HS3ST5: variants seen among roughly 807,000 people sequenced by gnomAD.
HS3ST5 encodes heparan sulfate glucosamine 3-O-sulfotransferase 5.
HS3ST5 carries 10 observed loss-of-function variants against 25.4 expected under a neutral mutation model. The ratio of observed to expected loss-of-function variants is 0.39; its 90% CI spans 0.24 to 0.67. The LOEUF (loss-of-function observed/expected upper bound fraction) is 0.67. Among genes scored for constraint, HS3ST5 ranks in the 30% least tolerant of loss-of-function variants. The pLI is 0.44. For missense variants in HS3ST5, 324 were observed against 420.7 expected (o/e 0.77, Z 2.01); for synonymous variants, 170 against 162.4 (o/e 1.05, Z -0.36).
At position 114,342,470 on chromosome 6, in the gene HS3ST5, G is replaced by A. The variant is rs529004752; in HGVS notation, c.-614C>T. 1,996 of 181,730 alleles carry A rather than the reference G, an allele frequency of 0.011. 27 individuals are homozygous for A. The highest frequency in any genetic ancestry group is 0.017 in the Non-Finnish European group (1,569 of 90,992). 11.3% of individuals were successfully genotyped at this position (181,730 alleles called of 1,614,324 possible). A position where few individuals can be genotyped will look rare whatever the true frequency, so the allele number is the denominator to read the frequency against. ...GGCGAGGTCTGAGGCGGGGAGCCGGGCGGGGGGGCAGGCGGGCGAGAAGTA... is the reference window on the plus strand; with the variant it reads ...GGCGAGGTCTGAGGCGGGGAGCCGGACGGGGGGGCAGGCGGGCGAGAAGTA... On this transcript the variant is annotated 5_prime_UTR_variant, in exon 1 of 5. Coordinates refer to ENST00000312719, the MANE Select transcript of HS3ST5 (RefSeq NM_153612.4).
intron 3 of HS3ST5, among the ~76,000 whole-genome samples, chr6:114,121,436 A>AT (rs1285217368): frequency 6.6e-6 from 1 of 152,168 alleles, no homozygotes; most frequent in Admixed American, 6.5e-5. Context: ...TCTTTTACAT[A>AT]TTTTTTGCAT....
At chr6:114,226,489 T>C (rs994781270) in intron 2 of HS3ST5, among the ~76,000 whole-genome samples, 1 of 151,956 alleles carries the variant, frequency 6.6e-6, no homozygotes, top group Non-Finnish European at 1.5e-5. Flanking sequence ...AACTTCCCCT[T>C]GTTGATGTCA....
chr6:114,065,175 T>C (rs991586598), intron 3 of HS3ST5, among the ~76,000 whole-genome samples: 1 of 152,230 alleles, frequency 6.6e-6, no homozygotes, highest in African/African-American at 2.4e-5. Context: ...AAAAACCCTA[T>C]AAAGTAGATG....
Position 114,084,601 on chromosome 6 carries a change from GAATTGTTACAGAGC to G in HS3ST5, c.-32-21738_-32-21725del. 3 of 778,294 alleles carry G rather than the reference GAATTGTTACAGAGC, an allele frequency of 3.9e-6. No individual in the cohort carries two copies. In the South Asian group the frequency reaches 4.0e-5, roughly 10 times the overall value. The allele number at this position is 778,294 out of a possible 1,614,324, so 48.2% of individuals were successfully genotyped here. On this transcript the variant is annotated intron_variant, in intron 3 of 4. Coordinates refer to ENST00000312719, the MANE Select transcript of HS3ST5 (RefSeq NM_153612.4). ...GGCAAAGTCCACATAGTGCAGAGGA[GAATTGTTACAGAGC>G]AATGCTAGGTAGGTTAACATAAGAT...
At chr6:114,300,877 T>C (rs1415986592) in intron 1 of HS3ST5, among the ~76,000 whole-genome samples, 1 of 152,150 alleles carries the variant, frequency 6.6e-6, no homozygotes, top group East Asian at 1.9e-4. Flanking sequence ...AACATTATGC[T>C]GAGTGAAAAA....
chr6:114,224,421 C>A (rs56210935), intron 2 of HS3ST5, among the ~76,000 whole-genome samples: 4,761 of 151,292 alleles, frequency 0.031, 193 homozygotes, highest in African/African-American at 0.091. Context: ...TAAATTATAT[C>A]ATTTCTATAA....
At chr6:114,121,728 T>A (rs1420070079) in intron 3 of HS3ST5, among the ~76,000 whole-genome samples, 1 of 152,232 alleles carries the variant, frequency 6.6e-6, no homozygotes, top group East Asian at 1.9e-4. Flanking sequence ...TGTATTTGAA[T>A]ATTTAAGTTG....
chr6:114,099,897 T>C (rs1318880864), intron 3 of HS3ST5, among the ~76,000 whole-genome samples: 1 of 152,070 alleles, frequency 6.6e-6, no homozygotes, highest in East Asian at 1.9e-4. Flanking sequence ...ATATAGTTAG[T>C]CAATATTTAC....
intron 3 of HS3ST5, among the ~76,000 whole-genome samples, chr6:114,065,834 A>C (rs1191825623): frequency 6.6e-6 from 1 of 152,210 alleles, no homozygotes. Context: ...AATTCAGAGG[A>C]AGGCTAGGGA....
chr6:114,218,293 C>T (rs568033918), intron 2 of HS3ST5, among the ~76,000 whole-genome samples: 13 of 152,102 alleles, frequency 8.5e-5, no homozygotes, highest in Non-Finnish European at 1.9e-4. Flanking sequence ...CCGCCGTGCC[C>T]GGTCTACATA....
intron 1 of HS3ST5, among the ~76,000 whole-genome samples, chr6:114,317,998 C>T (rs1277674586): frequency 1.3e-5 from 2 of 152,124 alleles, no homozygotes; most frequent in Non-Finnish European, 2.9e-5. Flanking sequence ...GAGCTTTTCT[C>T]CACTTGAAAG....
chr6:114,262,275 C>A (rs545092702), intron 1 of HS3ST5, among the ~76,000 whole-genome samples: 365 of 152,272 alleles, frequency 2.4e-3, no homozygotes, highest in African/African-American at 8.3e-3. Flanking sequence ...CGGCTGGGCG[C>A]GGTGGCTCAC....
At chr6:114,062,635 T>A (rs2114707133) in intron 4 of HS3ST5, 104 bp downstream of exon 4, 1 of 685,432 alleles carries the variant, frequency 1.5e-6, no homozygotes, top group East Asian at 2.7e-5. Context: ...TCCTGGGAAT[T>A]TCGAAGGAGA....
At chr6:114,296,957 G>C (rs1774850338) in intron 1 of HS3ST5, among the ~76,000 whole-genome samples, 1 of 152,198 alleles carries the variant, frequency 6.6e-6, no homozygotes, top group Non-Finnish European at 1.5e-5. Flanking sequence ...AAGTTGAAAG[G>C]GGGTCTTGCA....
intron 1 of HS3ST5, among the ~76,000 whole-genome samples, chr6:114,332,639 G>C (rs1251708980): frequency 2.0e-5 from 3 of 152,106 alleles, no homozygotes; most frequent in Non-Finnish European, 2.9e-5. Flanking sequence ...GGTGGCGAGA[G>C]AGTGTGTGTC....
At chr6:114,319,944 G>T (rs565260423) in intron 1 of HS3ST5, among the ~76,000 whole-genome samples, 11 of 151,962 alleles carry the variant, frequency 7.2e-5, no homozygotes, top group Non-Finnish European at 1.5e-4. Flanking sequence ...CATAACAATG[G>T]ACGGCACATC....
intron 1 of HS3ST5, among the ~76,000 whole-genome samples, chr6:114,309,697 C>A (rs1775450660): frequency 6.6e-6 from 1 of 152,138 alleles, no homozygotes. Context: ...TGCACCACTG[C>A]ACTCCAGCCT....
At chr6:114,233,048 TGACA>T (rs1468359899) in intron 1 of HS3ST5, among the ~76,000 whole-genome samples, 2 of 140,820 alleles carry the variant, frequency 1.4e-5, no homozygotes, top group Non-Finnish European at 3.1e-5. Context: ...TCTCCCTAGA[TGACA>T]GACACTCTTT....
chr6:114,213,560 A>G (rs1207761368), intron 2 of HS3ST5, among the ~76,000 whole-genome samples: 1 of 151,960 alleles, frequency 6.6e-6, no homozygotes, highest in Non-Finnish European at 1.5e-5. Flanking sequence ...TGGCTTTCAG[A>G]TTAAAGCATT....
Sources: gnomAD v4.1 joint callset for allele counts (sites outside exome capture counted in the v4.1 genomes callset) on GRCh38, gnomAD v4.1.1 for gene constraint, MANE v1.5 for transcripts, NCBI Gene and HGNC (gene_info 2026-07-23, HGNC 2026-07-21) for gene names.